The following LRRC4C variants were observed in gnomAD, a reference collection of about 807,000 sequenced individuals.
The protein encoded by LRRC4C is leucine rich repeat containing 4C.
LRRC4C carries 5 observed loss-of-function variants against 33.6 expected under a neutral mutation model. The observed-to-expected ratio is 0.15, with a 90% CI of 0.08 to 0.31. LRRC4C has a LOEUF of 0.31. LRRC4C is among the 10% of genes least tolerant of loss of function. The pLI, the probability that LRRC4C is intolerant of heterozygous loss-of-function variation, is 1.00. For missense variants in LRRC4C, 560 were observed against 796.7 expected (o/e 0.70, Z 3.58); for synonymous variants, 329 against 302.0 (o/e 1.09, Z -0.93).
At chr11:40,312,654 A>T (rs1220472077) in intron 4 of LRRC4C, among the ~76,000 whole-genome samples, 1 of 152,244 alleles carries the variant, frequency 6.6e-6, no homozygotes, top group African/African-American at 2.4e-5. Flanking sequence ...AAGGGAATCC[A>T]GAGCTATTGA....
chr11:40,934,513 T>G (rs1047703116), intron 1 of LRRC4C, among the ~76,000 whole-genome samples: 1 of 152,202 alleles, frequency 6.6e-6, no homozygotes, highest in Non-Finnish European at 1.5e-5. Flanking sequence ...TGGAGTAAAT[T>G]AGACTTAGTT....
chr11:40,608,321 T>C (rs1960847558), intron 3 of LRRC4C, among the ~76,000 whole-genome samples: 1 of 152,016 alleles, frequency 6.6e-6, no homozygotes, highest in South Asian at 2.1e-4. Flanking sequence ...AAATATATTG[T>C]CATTACTATA....
At chr11:40,764,128 C>T (rs1376913652) in intron 2 of LRRC4C, among the ~76,000 whole-genome samples, 1 of 152,090 alleles carries the variant, frequency 6.6e-6, no homozygotes, top group Admixed American at 6.6e-5. Context: ...TGCTCAACTA[C>T]AGTAGAATAA....
At chr11:41,343,587 C>A (rs1254570376) in intron 1 of LRRC4C, among the ~76,000 whole-genome samples, 1 of 152,146 alleles carries the variant, frequency 6.6e-6, no homozygotes, top group African/African-American at 2.4e-5. Context: ...AGTCTTCCAA[C>A]AAATATGCTT....
chr11:41,139,952 T>TC (rs1943431694), intron 1 of LRRC4C, among the ~76,000 whole-genome samples: 2 of 152,214 alleles, frequency 1.3e-5, no homozygotes, highest in African/African-American at 4.8e-5. Flanking sequence ...GATTTGACAA[T>TC]CCTGGTGTAT....
chr11:40,973,336 G>C (rs1301577802), intron 1 of LRRC4C, among the ~76,000 whole-genome samples: 2 of 151,290 alleles, frequency 1.3e-5, no homozygotes, highest in Non-Finnish European at 2.9e-5. Flanking sequence ...TCACTACTTA[G>C]GCAAAGAAAA....
intron 2 of LRRC4C, among the ~76,000 whole-genome samples, chr11:40,791,894 TA>T (rs1950635738): frequency 6.6e-6 from 1 of 152,132 alleles, no homozygotes; most frequent in African/African-American, 2.4e-5. Flanking sequence ...AAGATAAGGC[TA>T]TGCAAACCCA....
At chr11:41,436,076 C>A (rs993150150) in intron 1 of LRRC4C, among the ~76,000 whole-genome samples, 4 of 152,156 alleles carry the variant, frequency 2.6e-5, no homozygotes, top group Middle Eastern at 3.4e-3. Flanking sequence ...TGGTGATGGA[C>A]GCCTGTAATC....
At chr11:40,749,299 G>A (rs1375242258) in intron 2 of LRRC4C, among the ~76,000 whole-genome samples, 1 of 151,894 alleles carries the variant, frequency 6.6e-6, no homozygotes, top group Non-Finnish European at 1.5e-5. Flanking sequence ...AATAAAATGA[G>A]ATTAATACCA....
intron 2 of LRRC4C, among the ~76,000 whole-genome samples, chr11:40,749,407 G>C (rs1401931403): frequency 8.5e-6 from 1 of 117,570 alleles, no homozygotes; most frequent in East Asian, 2.6e-4. Context: ...AAATAAAAAA[G>C]AATTGAAACA....
At chr11:40,975,926 G>A (rs992824109) in intron 1 of LRRC4C, among the ~76,000 whole-genome samples, 1 of 152,100 alleles carries the variant, frequency 6.6e-6, no homozygotes, top group Admixed American at 6.5e-5. Context: ...ACTTCCACTA[G>A]ACCTTTGTAG....
chr11:40,606,913 C>G (rs949455776), intron 3 of LRRC4C, among the ~76,000 whole-genome samples: 1 of 151,908 alleles, frequency 6.6e-6, no homozygotes, highest in African/African-American at 2.4e-5. Flanking sequence ...CACGTTATAA[C>G]AAAAAGTTAA....
intron 3 of LRRC4C, among the ~76,000 whole-genome samples, chr11:40,492,293 T>G (rs1386350615): frequency 6.6e-6 from 1 of 152,196 alleles, no homozygotes; most frequent in East Asian, 1.9e-4. Context: ...CTTTTATTAC[T>G]TTAATGATTG....
intron 3 of LRRC4C, among the ~76,000 whole-genome samples, chr11:40,352,703 C>T (rs1947467652): frequency 6.6e-6 from 1 of 152,082 alleles, no homozygotes; most frequent in African/African-American, 2.4e-5. Flanking sequence ...TTTCTTATGG[C>T]TCATTAATAT....
intron 5 of LRRC4C, among the ~76,000 whole-genome samples, chr11:40,212,471 T>TAA (rs1554975050): frequency 0.069 from 10,024 of 144,616 alleles, 411 homozygotes; most frequent in African/African-American, 0.12. Context: ...CAAGCAAAAT[T>TAA]AAAAAAAAAA....
intron 2 of LRRC4C, among the ~76,000 whole-genome samples, chr11:40,899,416 G>A (rs558751667): frequency 5.9e-5 from 9 of 152,194 alleles, no homozygotes; most frequent in African/African-American, 2.2e-4. Flanking sequence ...TGTGCCCCTT[G>A]GATTTCCCAG....
intron 1 of LRRC4C, among the ~76,000 whole-genome samples, chr11:41,092,801 G>A (rs902050596): frequency 2.6e-5 from 4 of 152,230 alleles, no homozygotes; most frequent in Admixed American, 6.5e-5. Flanking sequence ...AAAGCAGTGA[G>A]TTAGAGTAAA....
chr11:41,284,848 T>G (rs1949775410), intron 1 of LRRC4C, among the ~76,000 whole-genome samples: 1 of 152,160 alleles, frequency 6.6e-6, no homozygotes, highest in Non-Finnish European at 1.5e-5. Context: ...ACTCACATAT[T>G]TCATTCTTTC....
chr11:41,057,753 C>T (rs1470231990), intron 1 of LRRC4C, among the ~76,000 whole-genome samples: 2 of 152,114 alleles, frequency 1.3e-5, no homozygotes, highest in African/African-American at 4.8e-5. Flanking sequence ...GAAGCCATTC[C>T]CTCTAGGGTC....
Sources: allele counts gnomAD v4.1 joint callset (sites outside exome capture counted in the v4.1 genomes callset), GRCh38; gene constraint gnomAD v4.1.1; transcripts MANE v1.5; gene names NCBI Gene and HGNC (gene_info 2026-07-23, HGNC 2026-07-21).